NBEAL1: variants seen among roughly 807,000 people sequenced by gnomAD.
NBEAL1 encodes the protein neurobeachin like 1, also known as neurobeachin-like protein 1.
Under a neutral mutation model 351.3 loss-of-function variants are expected in NBEAL1, and 273 were observed. That is an observed-to-expected ratio of 0.78 (90% CI 0.70 to 0.86). The LOEUF is 0.86. Ranked by LOEUF, NBEAL1 falls within the 40% of genes least tolerant of loss-of-function variation. The pLI is 0.00. For missense variants in NBEAL1, 2,961 were observed against 3,201.3 expected, an observed-to-expected ratio of 0.92 and a Z score of 1.81; for synonymous variants, 1,050 against 1,086.4, an observed-to-expected ratio of 0.97 and a Z score of 0.66.
intron 38 of NBEAL1, among the ~76,000 whole-genome samples, chr2:203,169,401 A>AC (rs1460100396): frequency 6.6e-6 from 1 of 150,646 alleles, no homozygotes; most frequent in Admixed American, 6.6e-5. Context: ...AAAAAAAAAA[A>AC]AAAAAAAAAA....
At chr2:203,208,357 G>A (rs2065669907) in intron 51 of NBEAL1, among the ~76,000 whole-genome samples, 1 of 152,120 alleles carries the variant, frequency 6.6e-6, no homozygotes, top group Non-Finnish European at 1.5e-5. Context: ...TAAATCTGTA[G>A]ATTAAAAGGG....
intron 35 of NBEAL1, among the ~76,000 whole-genome samples, chr2:203,154,306 T>G (rs1017985081): frequency 4.6e-5 from 7 of 151,954 alleles, no homozygotes; most frequent in Non-Finnish European, 1.0e-4. Flanking sequence ...AAATTATATA[T>G]TTCAAGGTGA....
intron 43 of NBEAL1, chr2:203,181,983 C>T (rs1056493669): frequency 1.3e-5 from 2 of 152,280 alleles, no homozygotes; most frequent in African/African-American, 2.4e-5. Flanking sequence ...CACCATTGTC[C>T]TGATGGCCTC....
chr2:203,055,349 T>C (rs1259383790), intron 4 of NBEAL1, among the ~76,000 whole-genome samples: 1 of 152,098 alleles, frequency 6.6e-6, no homozygotes, highest in Admixed American at 6.6e-5. Context: ...ACACCTGTAA[T>C]CCCAGACCTT....
intron 2 of NBEAL1, among the ~76,000 whole-genome samples, chr2:203,035,588 G>A (rs1360893117): frequency 6.7e-6 from 1 of 149,134 alleles, no homozygotes; most frequent in Non-Finnish European, 1.5e-5. Context: ...TTGCTAAATG[G>A]AAGGCACTGT....
chr2:203,091,554 C>G (rs2062064701), intron 10 of NBEAL1, among the ~76,000 whole-genome samples: 1 of 152,050 alleles, frequency 6.6e-6, no homozygotes, highest in Non-Finnish European at 1.5e-5. Context: ...GTATTGTTTT[C>G]CATAGTAGCT....
intron 53 of NBEAL1, among the ~76,000 whole-genome samples, chr2:203,210,047 A>C (rs1042884414): frequency 3.2e-4 from 49 of 152,162 alleles, no homozygotes; most frequent in Non-Finnish European, 3.7e-4. Flanking sequence ...CACCATGCCC[A>C]GCCTAAGCTT....
intron 2 of NBEAL1, among the ~76,000 whole-genome samples, chr2:203,032,068 G>C (rs1331969430): frequency 1.3e-5 from 2 of 152,158 alleles, no homozygotes; most frequent in African/African-American, 4.8e-5. Context: ...GTTCAGTAAT[G>C]AGTAGCCCTA....
chr2:203,197,861 A>G (rs1196799167), intron 48 of NBEAL1, among the ~76,000 whole-genome samples: 1 of 152,068 alleles, frequency 6.6e-6, no homozygotes, highest in Non-Finnish European at 1.5e-5. Context: ...GTGAGCCAAG[A>G]TCGCGCCACT....
chr2:203,160,850 T>A (rs1404660738), intron 36 of NBEAL1, among the ~76,000 whole-genome samples: 1 of 152,210 alleles, frequency 6.6e-6, no homozygotes, highest in South Asian at 2.1e-4. Context: ...GGATTGTCTG[T>A]GGGTCAGCAT....
intron 10 of NBEAL1, among the ~76,000 whole-genome samples, chr2:203,091,416 G>A (rs6755230): frequency 0.93 from 141,218 of 152,256 alleles, 65,731 homozygotes; most frequent in Non-Finnish European, 0.96. Flanking sequence ...CCGTTTGGCT[G>A]CTGCTGTTAA....
At chr2:203,203,529 A>G (rs975366015) in intron 51 of NBEAL1, among the ~76,000 whole-genome samples, 3 of 151,924 alleles carry the variant, frequency 2.0e-5, no homozygotes, top group African/African-American at 7.3e-5. Flanking sequence ...CCAAATTTAT[A>G]AAAAGTATCT....
At chr2:203,212,562 G>A (rs931155007) in intron 54 of NBEAL1, among the ~76,000 whole-genome samples, 8 of 146,224 alleles carry the variant, frequency 5.5e-5, no homozygotes, top group East Asian at 2.0e-4. Context: ...GACTGAGATC[G>A]CACCACTGCA....
chr2:203,166,146 C>A lies in NBEAL1; in HGVS notation c.5715-3C>A. ...TCTGTTTATTGGCTTCTTGTTTTTA[C>A]AGTGATGAGAAAGAAGAACAGGATC... On this transcript the variant is annotated splice_polypyrimidine_tract_variant and splice_region_variant and intron_variant, in intron 36 of 55. Coordinates refer to ENST00000683969, the MANE Select transcript of NBEAL1 (RefSeq NM_001378026.1). 3 of 1,546,738 alleles carry A rather than the reference C, an allele frequency of 1.9e-6. No individual in the cohort carries two copies. Among genetic ancestry groups the A allele is most frequent in the Non-Finnish European group, 2.6e-6 (3 of 1,153,942 alleles).
At chr2:203,073,841 C>T (rs1450890647) in intron 7 of NBEAL1, among the ~76,000 whole-genome samples, 1 of 152,122 alleles carries the variant, frequency 6.6e-6, no homozygotes, top group Non-Finnish European at 1.5e-5. Flanking sequence ...TTTCGACCTT[C>T]TTTTCTAGAA....
chr2:203,110,343 T>G, intron 15 of NBEAL1, 61 bp downstream of exon 15: 1 of 1,491,386 alleles, frequency 6.7e-7, no homozygotes, highest in Non-Finnish European at 9.0e-7. Context: ...CCCACCATTG[T>G]CATAAATTCA....
chr2:203,215,344 CA>C (rs1042291252), intron 55 of NBEAL1, among the ~76,000 whole-genome samples: 3 of 151,256 alleles, frequency 2.0e-5, no homozygotes, highest in Non-Finnish European at 1.5e-5. Flanking sequence ...ACTAAAAATA[CA>C]AAAAAAAATT....
chr2:203,024,274 C>T (rs543771048), intron 2 of NBEAL1, among the ~76,000 whole-genome samples: 2 of 151,438 alleles, frequency 1.3e-5, no homozygotes, highest in Non-Finnish European at 2.9e-5. Flanking sequence ...AAAAGTATTA[C>T]GGTCCGCATC....
At chr2:203,215,178 A>G (rs1331963393) in intron 55 of NBEAL1, among the ~76,000 whole-genome samples, 2 of 152,128 alleles carry the variant, frequency 1.3e-5, no homozygotes, top group Admixed American at 6.5e-5. Context: ...CAACATGGTG[A>G]AACCCCGTCT....
Sources: gnomAD v4.1 joint callset for allele counts (sites outside exome capture counted in the v4.1 genomes callset) on GRCh38, gnomAD v4.1.1 for gene constraint, MANE v1.5 for transcripts, NCBI Gene and HGNC (gene_info 2026-07-23, HGNC 2026-07-21) for gene names.